HYDIN: variants seen among roughly 807,000 people sequenced by gnomAD.
HYDIN encodes HYDIN axonemal central pair apparatus protein.
In HYDIN, 132 loss-of-function variants were observed where a neutral mutation model predicts 403.9. The observed-to-expected ratio is 0.33, with a 90% CI of 0.28 to 0.38. HYDIN has a LOEUF of 0.38. Ranked by LOEUF, HYDIN falls within the 10% of genes least tolerant of loss-of-function variation. The pLI is 1.00. For synonymous variants in HYDIN, 1,202 were observed against 1,891.7 expected (o/e 0.64, Z 9.46); for missense variants, 2,827 against 5,009.5 (o/e 0.56, Z 13.15).
At chr16:70,863,952 T>C (rs2039567330) in intron 67 of HYDIN, among the ~76,000 whole-genome samples, 1 of 151,950 alleles carries the variant, frequency 6.6e-6, no homozygotes, top group South Asian at 2.1e-4. Flanking sequence ...CTTTCCTGAC[T>C]GAGGCACAGA....
chr16:70,972,698 T>G (rs971130158), intron 35 of HYDIN, among the ~76,000 whole-genome samples: 3 of 152,234 alleles, frequency 2.0e-5, no homozygotes, highest in Admixed American at 1.3e-4. Flanking sequence ...CAATAAGTTA[T>G]CTGAAACCCA....
intron 18 of HYDIN, among the ~76,000 whole-genome samples, chr16:71,054,290 T>TATGCCTTTTTCCTC (rs1253541133): frequency 3.9e-5 from 6 of 152,304 alleles, no homozygotes; most frequent in Non-Finnish European, 8.8e-5. Flanking sequence ...CCTTTTTCCT[T>TATGCCTTTTTCCTC]ATGCCTTTTT....
intron 45 of HYDIN, among the ~76,000 whole-genome samples, chr16:70,925,287 C>A (rs910666843): frequency 6.6e-6 from 1 of 152,228 alleles, no homozygotes; most frequent in African/African-American, 2.4e-5. Context: ...CAGTCCTAGA[C>A]CAGCCTGGGC....
intron 53 of HYDIN, among the ~76,000 whole-genome samples, chr16:70,899,660 T>C (rs9941023): frequency 0.035 from 5,340 of 152,172 alleles, 163 homozygotes; most frequent in African/African-American, 0.12. Context: ...CCTGCCCTGA[T>C]GCAGTTCATA....
intron 27 of HYDIN, among the ~76,000 whole-genome samples, chr16:70,986,522 A>G (rs1247629183): frequency 6.6e-5 from 10 of 152,198 alleles, no homozygotes; most frequent in Non-Finnish European, 1.3e-4. Flanking sequence ...TGATCTATAA[A>G]CACACATGCA....
At chr16:71,139,670 G>C (rs989326165) in intron 7 of HYDIN, among the ~76,000 whole-genome samples, 2 of 151,776 alleles carry the variant, frequency 1.3e-5, no homozygotes, top group South Asian at 2.1e-4. Context: ...AGTGAAATGG[G>C]AGGTAGTTCA....
intron 83 of HYDIN, among the ~76,000 whole-genome samples, chr16:70,819,638 C>T (rs913283239): frequency 1.4e-4 from 21 of 146,992 alleles, no homozygotes; most frequent in Non-Finnish European, 4.5e-5. Context: ...AGCATCTTCT[C>T]GTGTTTTTAT....
At position 71,157,773 on chromosome 16, in the gene HYDIN, A is replaced by T. The variant is rs4602045; in HGVS notation, c.716+4758T>A. ...GACTTGGTTACACAGAAGATGGGAGAGGTGAGAACTCCAACTGAAGAAGGT... is the reference window on the plus strand; with the variant it reads ...GACTTGGTTACACAGAAGATGGGAGTGGTGAGAACTCCAACTGAAGAAGGT... On this transcript the variant is annotated intron_variant, in intron 6 of 85. Coordinates refer to ENST00000393567, the MANE Select transcript of HYDIN (RefSeq NM_001270974.2). Among the ~76,000 whole-genome samples, 1,091 of 139,304 alleles carry T rather than the reference A, an allele frequency of 7.8e-3. 16 individuals carry two copies. The highest frequency in any genetic ancestry group is 0.028 in the African/African-American group (1,038 of 37,088). 91.4% of individuals were successfully genotyped at this position (139,304 alleles called of 152,430 possible).
chr16:70,845,987 A>C (rs1343191831), intron 75 of HYDIN, among the ~76,000 whole-genome samples: 1 of 151,146 alleles, frequency 6.6e-6, no homozygotes, highest in African/African-American at 2.4e-5. Context: ...CCTTTCAAAA[A>C]ACCAGCTCCT....
chr16:70,972,073 C>T (rs560961471), intron 35 of HYDIN, among the ~76,000 whole-genome samples: 10 of 151,114 alleles, frequency 6.6e-5, no homozygotes, highest in Admixed American at 1.3e-4. Flanking sequence ...ACTATATTTC[C>T]CTCATTAAGT....
At chr16:70,974,730 A>G (rs958262705) in intron 31 of HYDIN, 60 bp from the exon 32 acceptor site, 10 of 655,096 alleles carry the variant, frequency 1.5e-5, no homozygotes, top group Admixed American at 8.8e-5. Context: ...CTTTTCCAAA[A>G]GTGAGTGAGT....
chr16:70,961,474 C>A (rs947690430), intron 38 of HYDIN, among the ~76,000 whole-genome samples: 7 of 152,176 alleles, frequency 4.6e-5, no homozygotes, highest in Non-Finnish European at 8.8e-5. Flanking sequence ...CAGCAAATGG[C>A]CCCCATGAAC....
At chr16:71,152,153 T>C (rs2085559787) in intron 7 of HYDIN, among the ~76,000 whole-genome samples, 1 of 150,628 alleles carries the variant, frequency 6.6e-6, no homozygotes, top group Admixed American at 6.6e-5. Context: ...CTGAGTCCTG[T>C]ATTCCTCAGG....
chr16:71,205,268 CAG>C (rs1200621030), intron 1 of HYDIN, among the ~76,000 whole-genome samples: 1 of 152,154 alleles, frequency 6.6e-6, no homozygotes, highest in African/African-American at 2.4e-5. Flanking sequence ...CAGGGGAAAA[CAG>C]AGAATAGAGA....
intron 6 of HYDIN, among the ~76,000 whole-genome samples, chr16:71,158,395 T>C (rs969284521): frequency 4.6e-5 from 7 of 152,080 alleles, no homozygotes; most frequent in African/African-American, 1.7e-4. Context: ...CATAGGTAGA[T>C]AGATAGAAAG....
chr16:71,228,023 T>A (rs1272096251), intron 1 of HYDIN, among the ~76,000 whole-genome samples: 4 of 152,050 alleles, frequency 2.6e-5, no homozygotes, highest in Non-Finnish European at 4.4e-5. Flanking sequence ...TACAACCATC[T>A]CATCTTTGAC....
intron 45 of HYDIN, among the ~76,000 whole-genome samples, chr16:70,934,623 CT>C (rs2077446854): frequency 6.6e-6 from 1 of 151,726 alleles, no homozygotes; most frequent in Admixed American, 6.6e-5. Context: ...AGAAGTCCCC[CT>C]AGGGAACATG....
intron 11 of HYDIN, among the ~76,000 whole-genome samples, chr16:71,089,445 C>A (rs2083039875): frequency 6.6e-6 from 1 of 151,854 alleles, no homozygotes; most frequent in Admixed American, 6.6e-5. Context: ...CACCCTCAAC[C>A]TACACATAAG....
intron 41 of HYDIN, among the ~76,000 whole-genome samples, chr16:70,946,903 T>C (rs1467925092): frequency 6.6e-6 from 1 of 152,202 alleles, no homozygotes; most frequent in Non-Finnish European, 1.5e-5. Context: ...TCCTGAGACT[T>C]TGCTGAAGTT....
Sources: gnomAD v4.1 joint callset for allele counts (sites outside exome capture counted in the v4.1 genomes callset) on GRCh38, gnomAD v4.1.1 for gene constraint, MANE v1.5 for transcripts, NCBI Gene and HGNC (gene_info 2026-07-23, HGNC 2026-07-21) for gene names.